ZCCHC14: variants seen among roughly 807,000 people sequenced by gnomAD.
The protein encoded by ZCCHC14 is zinc finger CCHC domain-containing protein 14.
ZCCHC14 carries 16 observed loss-of-function variants against 85.0 expected under a neutral mutation model. The observed-to-expected ratio is 0.19, with a 90% CI of 0.13 to 0.29. ZCCHC14 has a LOEUF of 0.29. Ranked by LOEUF, ZCCHC14 falls within the 10% of genes least tolerant of loss-of-function variation. The pLI, the probability that ZCCHC14 is intolerant of heterozygous loss-of-function variation, is 1.00. For synonymous variants in ZCCHC14, 775 were observed against 630.7 expected (o/e 1.23, Z -3.43); for missense variants, 1,303 against 1,443.5 (o/e 0.90, Z 1.58).
intron 1 of ZCCHC14, chr16:87,472,705 T>G (rs149715156): frequency 5.3e-5 from 8 of 152,342 alleles, no homozygotes; most frequent in African/African-American, 1.9e-4. Flanking sequence ...ACGGCCACCA[T>G]GATGGTTCCT....
intron 10 of ZCCHC14, among the ~76,000 whole-genome samples, chr16:87,414,038 T>G (rs988948301): frequency 6.6e-6 from 1 of 152,232 alleles, no homozygotes; most frequent in South Asian, 2.1e-4. Flanking sequence ...AAAAATCAAA[T>G]AGGTGTGATT....
At chr16:87,456,296 C>T (rs796327526) in intron 2 of ZCCHC14, among the ~76,000 whole-genome samples, 16 of 152,042 alleles carry the variant, frequency 1.1e-4, no homozygotes, top group African/African-American at 3.6e-4. Flanking sequence ...TTTGGGAAGC[C>T]GAGGCGGGCG....
Position 87,408,937 on chromosome 16 carries a change from G to C in ZCCHC14, c.*1343C>G, listed in dbSNP as rs75360198. ...TTGAAGACTTTAGCATTTTCGATAA[G>C]AGTATTATTTGAGCAGAAAATTCCC... On this transcript the variant is annotated 3_prime_UTR_variant, in exon 13 of 13. Transcript: ENST00000671377. 6.6e-6 allele frequency: 1 copy of C among 152,224 alleles called. No individual in the cohort carries two copies. Among genetic ancestry groups the C allele is most frequent in the Non-Finnish European group, 1.5e-5 (1 of 67,746 alleles). The allele number at this position is 152,224 out of a possible 1,614,324, so 9.4% of individuals were successfully genotyped here. A position where few individuals can be genotyped will look rare whatever the true frequency, so the allele number is the denominator to read the frequency against.
intron 1 of ZCCHC14, chr16:87,467,178 C>G: frequency 7.3e-7 from 1 of 1,363,832 alleles, no homozygotes; most frequent in Middle Eastern, 2.2e-4. Context: ...GCTTTCTCCT[C>G]TGGCGGGAGA....
chr16:87,462,975 G>C (rs1911344512), intron 1 of ZCCHC14, among the ~76,000 whole-genome samples: 1 of 152,150 alleles, frequency 6.6e-6, no homozygotes, highest in Admixed American at 6.5e-5. Context: ...GGCTGAAGCA[G>C]GAGAATCGCT....
chr16:87,438,142 A>C (rs1910018533), intron 2 of ZCCHC14, among the ~76,000 whole-genome samples: 1 of 152,254 alleles, frequency 6.6e-6, no homozygotes, highest in South Asian at 2.1e-4. Flanking sequence ...CCAAAACAGC[A>C]ACCGGGCACG....
rs1370628412 is a variant in ZCCHC14, at chr16:87,409,643, C to T, written c.*637G>A. The T allele has an allele frequency of 6.5e-6, 1 of 152,672 alleles. No homozygotes were observed. Among genetic ancestry groups the T allele is most frequent in the Non-Finnish European group, 1.5e-5 (1 of 68,052 alleles). 9.5% of individuals were successfully genotyped at this position (152,672 alleles called of 1,614,324 possible). A position where few individuals can be genotyped will look rare whatever the true frequency, so the allele number is the denominator to read the frequency against. ...AGGAGGGAAGGAAATACTAAAACCTCTGTTGCGTCCTAAGTCGAGTAGCCT... is the reference window on the plus strand; with the variant it reads ...AGGAGGGAAGGAAATACTAAAACCTTTGTTGCGTCCTAAGTCGAGTAGCCT... On this transcript the variant is annotated 3_prime_UTR_variant, in exon 13 of 13. Transcript: ENST00000671377.
chr16:87,462,676 C>G (rs1317470638), intron 1 of ZCCHC14, among the ~76,000 whole-genome samples: 1 of 151,240 alleles, frequency 6.6e-6, no homozygotes, highest in Non-Finnish European at 1.5e-5. Flanking sequence ...GAAGGTGGAG[C>G]TTGCAGTGAG....
rs144771278 is a variant in ZCCHC14 at position 87,438,755 on chromosome 16, G to C, written c.695-5554C>G. On this transcript the variant is annotated intron_variant, in intron 2 of 12. Coordinates refer to ENST00000671377, the MANE Select transcript of ZCCHC14 (RefSeq NM_015144.3). ...ACTGCCCCCGGTCTTCCTCCTGCTT[G>C]GGGCATTCACAGGAGGCCCGGGCCC... Among the ~76,000 whole-genome samples, 548 of 152,170 alleles carry C rather than the reference G, an allele frequency of 3.6e-3. 4 individuals carry two copies. The highest frequency in any genetic ancestry group is 0.013 in the African/African-American group (527 of 41,520).
intron 1 of ZCCHC14, among the ~76,000 whole-genome samples, chr16:87,461,743 G>A (rs777349303): frequency 1.3e-4 from 20 of 152,208 alleles, no homozygotes; most frequent in Non-Finnish European, 2.5e-4. Context: ...CTGCCACTCC[G>A]GCAGGACCAG....
At chr16:87,428,265 C>T (rs146275317) in intron 3 of ZCCHC14, among the ~76,000 whole-genome samples, 418 of 152,246 alleles carry the variant, frequency 2.7e-3, no homozygotes, top group South Asian at 0.013. Flanking sequence ...GAGAAACAGG[C>T]TGAGAAAATC....
chr16:87,468,463 C>CAAA, intron 1 of ZCCHC14, among the ~76,000 whole-genome samples: 1 of 145,388 alleles, frequency 6.9e-6, no homozygotes, highest in East Asian at 2.0e-4. Context: ...ATTACATAGT[C>CAAA]AAAAAAAAAA....
In ZCCHC14 at chr16:87,490,543, G is replaced by C. The variant is rs139742002; in HGVS notation, c.570+1126C>G. On this transcript the variant is annotated intron_variant, in intron 1 of 12. Transcript: ENST00000671377. ...TGCGTTTTCAGTTCTGAAACACTTA[G>C]ACAAAAGTTCACATCGCTAAGTGGA... is the stretch of plus-strand genomic sequence containing the variant. 9.1e-4 allele frequency among the ~76,000 whole-genome samples: 138 copies of C among 152,308 alleles called. 1 individual carries two copies. In the East Asian group the frequency reaches 0.026, roughly 29 times the overall value.
At chr16:87,450,123 A>G (rs1274433742) in intron 2 of ZCCHC14, among the ~76,000 whole-genome samples, 1 of 152,166 alleles carries the variant, frequency 6.6e-6, no homozygotes, top group Non-Finnish European at 1.5e-5. Flanking sequence ...AGACAACCAA[A>G]TGTCTTCACA....
chr16:87,408,256 G>A lies in ZCCHC14; in HGVS notation c.*2024C>T, dbSNP rs1234007521. The A allele has an allele frequency of 6.6e-6, 1 of 152,444 alleles. No individual in the cohort carries two copies. Among genetic ancestry groups the A allele is most frequent in the East Asian group, 1.9e-4 (1 of 5,194 alleles). The allele number at this position is 152,444 out of a possible 1,614,324, so 9.4% of individuals were successfully genotyped here. The stretch of plus-strand genomic sequence containing the variant: ...TGTTTTTTCCTTTTGTTATGAGACG[G>A]TTTTCAACAATTTCAGTGTTGAAAT... On this transcript the variant is annotated 3_prime_UTR_variant, in exon 13 of 13. Coordinates refer to ENST00000671377, the MANE Select transcript of ZCCHC14 (RefSeq NM_015144.3).
chr16:87,487,939 T>TA, intron 1 of ZCCHC14, among the ~76,000 whole-genome samples: 1 of 132,230 alleles, frequency 7.6e-6, no homozygotes. Context: ...AAGACACCCA[T>TA]AGAGACAAAA....
At chr16:87,440,897 G>C (rs1028531469) in intron 2 of ZCCHC14, among the ~76,000 whole-genome samples, 3 of 151,970 alleles carry the variant, frequency 2.0e-5, no homozygotes, top group African/African-American at 4.8e-5. Flanking sequence ...TTACAGGCCT[G>C]CACCTTCACG....
chr16:87,411,309 G>A (rs886362371), intron 12 of ZCCHC14: 4 of 1,435,944 alleles, frequency 2.8e-6, no homozygotes, highest in African/African-American at 1.4e-5. Context: ...ACCAGAGGCT[G>A]TCTGAAATCA....
At chr16:87,417,791 C>G in intron 7 of ZCCHC14, 49 bp from the exon 8 acceptor site, 2 of 1,508,206 alleles carry the variant, frequency 1.3e-6, no homozygotes, top group Non-Finnish European at 1.8e-6. Flanking sequence ...GCTTCCACAA[C>G]CACAGACTCC....
Sources: allele counts gnomAD v4.1 joint callset (sites outside exome capture counted in the v4.1 genomes callset), GRCh38; gene constraint gnomAD v4.1.1; transcripts MANE v1.5; gene names NCBI Gene and HGNC (gene_info 2026-07-23, HGNC 2026-07-21).